NEUROG2: variants seen among roughly 807,000 people sequenced by gnomAD.
NEUROG2 encodes the protein neurogenin 2.
A neutral mutation model predicts 2.8 loss-of-function variants in NEUROG2; 1 was observed. The ratio of observed to expected loss-of-function variants is 0.36; its 90% CI spans 0.13 to 1.71. The LOEUF (loss-of-function observed/expected upper bound fraction) is 1.71, where lower values mean the gene tolerates loss of function less well. Ranked by LOEUF, NEUROG2 falls within the 40% of genes most tolerant of loss-of-function variation. NEUROG2 has a pLI of 0.34. For missense variants in NEUROG2, 397 were observed against 392.7 expected (o/e 1.01, Z -0.09); for synonymous variants, 211 against 187.7 (o/e 1.12, Z -1.01).
At position 112,515,341 on chromosome 4, in the gene NEUROG2, C is replaced by G; in HGVS notation, c.135G>C (p.Pro45=). The part of the protein sequence containing the change: ...SSADEEEEEE[P]GASGGARRQR... ...GCCGACGCGCCCCGCCTGACGCGCC[C>G]GGCTCCTCCTCCTCTTCTTCGTCGG... The change falls in exon 2 of 2, where the codon CCG becomes CCC. Residue 45 remains proline, a synonymous_variant. Transcript: ENST00000313341. 2.1e-6 allele frequency: 3 copies of G among 1,457,744 alleles called. No individual in the cohort carries two copies. Among genetic ancestry groups the G allele is most frequent in the Non-Finnish European group, 1.8e-6 (2 of 1,109,496 alleles). 90.3% of individuals were successfully genotyped at this position (1,457,744 alleles called of 1,614,324 possible).
Position 112,515,082 on chromosome 4 carries a change from G to C in NEUROG2, c.394C>G (p.Leu132Val). 2 of 1,614,024 alleles carry C rather than the reference G, an allele frequency of 1.2e-6. No homozygotes were observed. The highest frequency in any genetic ancestry group is 8.5e-7 in the Non-Finnish European group (1 of 1,179,932). The change falls in exon 2 of 2, where the codon CTG becomes GTG. Residue 132 changes from leucine to valine, a missense_variant. Leu to Val is a conservative substitution (Grantham distance 32, BLOSUM62 1). Transcript: ENST00000313341. The stretch of plus-strand genomic sequence containing the variant: ...GGGAGCACCTCGCGCAGCGCGTCCA[G>C]TGCCGCGTTGAGGTTGTGCATGCGG... ...RNRMHNLNAA[L>V]DALREVLPTF...
At chr4:112,515,609 C>A in intron 1 of NEUROG2, 133 bp from the exon 2 acceptor site, 1 of 688,166 alleles carries the variant, frequency 1.5e-6, no homozygotes, top group Non-Finnish European at 2.1e-6. Context: ...AGCAGGAAGG[C>A]GAAGGAAGAA....
rs753882933 is a variant in NEUROG2 at position 112,515,451 on chromosome 4, C to G, written c.25G>C (p.Glu9Gln). 6.6e-7 allele frequency: 1 copy of G among 1,526,476 alleles called. No homozygotes were observed. Among genetic ancestry groups the G allele is most frequent in the Non-Finnish European group, 8.7e-7 (1 of 1,150,044 alleles). The allele number at this position is 1,526,476 out of a possible 1,614,324, so 94.6% of individuals were successfully genotyped here. Residue 9 changes from glutamate (E) to glutamine (Q), a missense_variant, in exon 2 of 2, where the codon GAG (glutamate) becomes CAG (glutamine). Transcript: ENST00000313341. ...AACACGTCCTCTTCCTCCTTCAACT[C>G]CAAGGTCTCGGATTTGACGAACATC... MFVKSETL[E>Q]LKEEEDVLVL...
Position 112,515,014 on chromosome 4 carries a change from C to A in NEUROG2, c.462G>T (p.Leu154=). 1 of 1,613,964 alleles carries A rather than the reference C, an allele frequency of 6.2e-7. No homozygotes were observed. The highest frequency in any genetic ancestry group is 8.5e-7 in the Non-Finnish European group (1 of 1,179,908). The change falls in exon 2 of 2, where the codon CTG becomes CTT. Residue 154 remains leucine, a synonymous_variant. Coordinates refer to ENST00000313341, the MANE Select transcript of NEUROG2 (RefSeq NM_024019.4). ...EDAKLTKIET[L]RFAHNYIWAL... is the part of the protein sequence containing the mutation. ...CCCAGATGTAGTTGTGGGCGAAGCG[C>A]AGGGTCTCGATCTTGGTGAGCTTGG... is the stretch of plus-strand genomic sequence containing the variant.
chr4:112,514,672 G>A lies in NEUROG2; in HGVS notation c.804C>T (p.Ala268=). The A allele has an allele frequency of 2.0e-6, 3 of 1,508,622 alleles. No homozygotes were observed. In the South Asian group the frequency reaches 4.1e-5, roughly 21 times the overall value. The allele number at this position is 1,508,622 out of a possible 1,614,324, so 93.5% of individuals were successfully genotyped here. The change falls in exon 2 of 2, where the codon GCC becomes GCT. Residue 268 remains alanine, a synonymous_variant. Transcript: ENST00000313341. ...AATGGCAGCTCTAGATACAATCCCT[G>A]GCTATGGGGAGGTGAGGTGCATAGC... is the stretch of plus-strand genomic sequence containing the variant. ...KHRYAPHLPI[A]RDCI
chr4:112,515,760 T>C (rs1736431039), intron 1 of NEUROG2, 87 bp downstream of exon 1: 2 of 278,654 alleles, frequency 7.2e-6, no homozygotes, highest in South Asian at 7.3e-5. Context: ...ACAAAGATTC[T>C]GCGCGGAGCA....
Position 112,514,882 on chromosome 4 carries a change from G to T in NEUROG2, c.594C>A (p.Ser198Arg), listed in dbSNP as rs1305165647. Residue 198 changes from serine to arginine, a missense_variant, in exon 2 of 2, where the codon AGC becomes AGA. Transcript: ENST00000313341. ...EAVLLSPGGA[S>R]AALSSSGDSP... ...TGTCTCCGCTGCTGCTCAGGGCGGCGCTGGCTCCTCCCGGGCTCAGCAACA... is the reference window on the plus strand; with the variant it reads ...TGTCTCCGCTGCTGCTCAGGGCGGCTCTGGCTCCTCCCGGGCTCAGCAACA... 3 of 1,601,294 alleles carry T rather than the reference G, an allele frequency of 1.9e-6. No individual in the cohort carries two copies. Among genetic ancestry groups the T allele is most frequent in the Non-Finnish European group, 8.5e-7 (1 of 1,175,936 alleles).
rs769107636 is a variant in NEUROG2 at position 112,515,405 on chromosome 4, G to T, written c.71C>A (p.Ser24Tyr). ...EDVLVLLGSA[S>Y]PALAALTPLS... Reference sequence around the variant, plus strand: ...CGGGGTCAGGGCCGCCAAGGCGGGGGAGGCCGATCCGAGCAGCACTAACAC... The same window carrying T: ...CGGGGTCAGGGCCGCCAAGGCGGGGTAGGCCGATCCGAGCAGCACTAACAC... Residue 24 changes from serine to tyrosine, a missense_variant, in exon 2 of 2, where the codon TCC becomes TAC. Physicochemically the swap from Ser to Tyr is moderately radical, Grantham distance 144. Transcript: ENST00000313341. The T allele has an allele frequency of 6.6e-7, 1 of 1,526,042 alleles. No homozygotes were observed. The highest frequency in any genetic ancestry group is 2.7e-5 in the East Asian group (1 of 37,156). The allele number at this position is 1,526,042 out of a possible 1,614,324, so 94.5% of individuals were successfully genotyped here. A position where few individuals can be genotyped will look rare whatever the true frequency, so the allele number is the denominator to read the frequency against.
rs1347458249 is a variant in NEUROG2 at position 112,515,285 on chromosome 4, C to T, written c.191G>A (p.Arg64Gln). 2 of 1,491,870 alleles carry T rather than the reference C, an allele frequency of 1.3e-6. No individual in the cohort carries two copies. Among genetic ancestry groups the T allele is most frequent in the Non-Finnish European group, 8.8e-7 (1 of 1,130,470 alleles). 92.4% of individuals were successfully genotyped at this position (1,491,870 alleles called of 1,614,324 possible). A position where few individuals can be genotyped will look rare whatever the true frequency, so the allele number is the denominator to read the frequency against. ...CTCCGCACCCGCAGCCACGCCGCCC[C>T]GCGCCCCCTGCCCGGCCTCAGCCCC... ...QRGAEAGQGA[R>Q]GGVAAGAEGC... Residue 64 changes from arginine (R) to glutamine (Q), a missense_variant, in exon 2 of 2, where the codon CGG becomes CAG. Coordinates refer to ENST00000313341, the MANE Select transcript of NEUROG2 (RefSeq NM_024019.4).
Position 112,514,820 on chromosome 4 carries a change from C to T in NEUROG2, c.656G>A (p.Ser219Asn). The change falls in exon 2 of 2, where the codon AGC becomes AAC. Residue 219 changes from serine to asparagine, a missense_variant. By Grantham distance (46) the Ser-to-Asn change is conservative (BLOSUM62 1). Coordinates refer to ENST00000313341, the MANE Select transcript of NEUROG2 (RefSeq NM_024019.4). ...SPASTWSCTN[S>N]PAPSSSVSSN... ...GGACACGGAGGAGGACGGCGCGGGGCTGTTGGTGCAACTCCACGTGGAGGC... is the reference window on the plus strand; with the variant it reads ...GGACACGGAGGAGGACGGCGCGGGGTTGTTGGTGCAACTCCACGTGGAGGC... 1 of 1,579,428 alleles carries T rather than the reference C, an allele frequency of 6.3e-7. No individual in the cohort carries two copies. The highest frequency in any genetic ancestry group is 8.6e-7 in the Non-Finnish European group (1 of 1,167,856).
chr4:112,515,553 G>T (rs1431483520), intron 1 of NEUROG2, 77 bp from the exon 2 acceptor site: 2 of 1,290,872 alleles, frequency 1.5e-6, no homozygotes, highest in Non-Finnish European at 2.1e-6. Flanking sequence ...TGTCACAGGG[G>T]CGTGCTCCGG....
In NEUROG2 at chr4:112,515,382, G is replaced by T; in HGVS notation, c.94C>A (p.Pro32Thr). The T allele has an allele frequency of 3.3e-6, 5 of 1,521,514 alleles. No homozygotes were observed. Among genetic ancestry groups the T allele is most frequent in the Non-Finnish European group, 3.5e-6 (4 of 1,144,214 alleles). 94.3% of individuals were successfully genotyped at this position (1,521,514 alleles called of 1,614,324 possible). A position where few individuals can be genotyped will look rare whatever the true frequency, so the allele number is the denominator to read the frequency against. Residue 32 changes from proline (P) to threonine (T), a missense_variant, in exon 2 of 2, where the codon CCG (proline) becomes ACG (threonine). By Grantham distance (38) the Pro-to-Thr change is conservative. Transcript: ENST00000313341. ...SASPALAALT[P>T]LSSSADEEEE... ...TCTTCGTCGGCGCTGGATGACAGCG[G>T]GGTCAGGGCCGCCAAGGCGGGGGAG... is the stretch of plus-strand genomic sequence containing the variant.
chr4:112,515,563 G>A (rs1736421783), intron 1 of NEUROG2, 87 bp from the exon 2 acceptor site: 7 of 1,206,206 alleles, frequency 5.8e-6, no homozygotes, highest in Non-Finnish European at 7.8e-6. Context: ...GCGTGCTCCG[G>A]CGCGCACCCG....
rs757419636 is a variant in NEUROG2, at chr4:112,515,382, G to A, written c.94C>T (p.Pro32Ser). 4 of 1,521,398 alleles carry A rather than the reference G, an allele frequency of 2.6e-6. No homozygotes were observed. Among genetic ancestry groups the A allele is most frequent in the African/African-American group, 1.4e-5 (1 of 70,030 alleles). The allele number at this position is 1,521,398 out of a possible 1,614,324, so 94.2% of individuals were successfully genotyped here. Residue 32 changes from proline (P) to serine (S), a missense_variant, in exon 2 of 2, where the codon CCG (proline) becomes TCG (serine). Pro to Ser is a moderately conservative substitution (Grantham distance 74, BLOSUM62 -1). Transcript: ENST00000313341. The part of the protein sequence containing the change: ...SASPALAALT[P>S]LSSSADEEEE... ...TCTTCGTCGGCGCTGGATGACAGCG[G>A]GGTCAGGGCCGCCAAGGCGGGGGAG...
Position 112,513,662 on chromosome 4 carries a change from A to C in NEUROG2, c.*995T>G, listed in dbSNP as rs1736359567. The stretch of plus-strand genomic sequence containing the variant: ...GAAAAATTTCTTTATAATAAATAGA[A>C]GGGAACACGTGTGTGGCTGATCCGG... On this transcript the variant is annotated 3_prime_UTR_variant, in exon 2 of 2. Transcript: ENST00000313341. The C allele has an allele frequency of 6.5e-6, 1 of 152,682 alleles. No homozygotes were observed. Among genetic ancestry groups the C allele is most frequent in the Admixed American group, 6.5e-5 (1 of 15,290 alleles). The allele number at this position is 152,682 out of a possible 1,614,324, so 9.5% of individuals were successfully genotyped here.
At position 112,515,141 on chromosome 4, in the gene NEUROG2, G is replaced by T. The variant is rs1186430655; in HGVS notation, c.335C>A (p.Thr112Asn). The T allele has an allele frequency of 1.2e-6, 2 of 1,613,658 alleles. No homozygotes were observed. Among genetic ancestry groups the T allele is most frequent in the East Asian group, 4.5e-5 (2 of 44,878 alleles). ...TAETVQRIKK[T>N]RRLKANNRER... Reference sequence around the variant, plus strand: ...GCGGTTGTTGGCCTTCAGTCTACGGGTCTTCTTGATGCGCTGCACCGTCTC... The same window carrying T: ...GCGGTTGTTGGCCTTCAGTCTACGGTTCTTCTTGATGCGCTGCACCGTCTC... The change falls in exon 2 of 2, where the codon ACC becomes AAC. Residue 112 changes from threonine to asparagine, a missense_variant. By Grantham distance (65) the Thr-to-Asn change is moderately conservative. Coordinates refer to ENST00000313341, the MANE Select transcript of NEUROG2 (RefSeq NM_024019.4).
rs763346689 is a variant in NEUROG2 at position 112,515,087 on chromosome 4, G to T, written c.389C>A (p.Ala130Glu). The stretch of plus-strand genomic sequence containing the variant: ...CACCTCGCGCAGCGCGTCCAGTGCC[G>T]CGTTGAGGTTGTGCATGCGGTTTCG... The part of the protein sequence containing the change: ...RERNRMHNLN[A>E]ALDALREVLP... The change falls in exon 2 of 2, where the codon GCG (alanine) becomes GAG (glutamate). Residue 130 changes from alanine to glutamate, a missense_variant. Coordinates refer to ENST00000313341, the MANE Select transcript of NEUROG2 (RefSeq NM_024019.4). 1 of 1,614,022 alleles carries T rather than the reference G, an allele frequency of 6.2e-7. No homozygotes were observed. Among genetic ancestry groups the T allele is most frequent in the Non-Finnish European group, 8.5e-7 (1 of 1,179,938 alleles).
rs1458880394 is a variant in NEUROG2, at chr4:112,514,935, G to GGCCCCCGCCGCC, written c.529_540dup (p.Gly177_Gly180dup). 6.2e-7 allele frequency: 1 copy of GGCCCCCGCCGCC among 1,609,734 alleles called. No homozygotes were observed. The highest frequency in any genetic ancestry group is 8.5e-7 in the Non-Finnish European group (1 of 1,178,752). ...GCCTCGGAGAAGAGCGCCCCCGGCAGGCCCCCGCCGCCGCCCCCGCAGTGA... is the reference window on the plus strand; with the variant it reads ...GCCTCGGAGAAGAGCGCCCCCGGCAGGCCCCCGCCGCCGCCCCCGCCGCCGCCCCCGCAGTGA... On this transcript the variant is annotated inframe_insertion, in exon 2 of 2. Coordinates refer to ENST00000313341, the MANE Select transcript of NEUROG2 (RefSeq NM_024019.4).
Position 112,514,511 on chromosome 4 carries a change from G to T in NEUROG2, c.*146C>A. ...AAGCCAAGAAATGCAAGAAACAACC[G>T]AGGAATCAGAAAGGCTACACCTGCC... On this transcript the variant is annotated 3_prime_UTR_variant, in exon 2 of 2. Transcript: ENST00000313341. 1.8e-6 allele frequency: 1 copy of T among 542,966 alleles called. No homozygotes were observed. 33.6% of individuals were successfully genotyped at this position (542,966 alleles called of 1,614,324 possible).
Sources: allele counts gnomAD v4.1 joint callset, GRCh38; gene constraint gnomAD v4.1.1; transcripts MANE v1.5; gene names NCBI Gene and HGNC (gene_info 2026-07-23, HGNC 2026-07-21).